CDH4: variants seen among roughly 807,000 people sequenced by gnomAD.
CDH4 encodes the protein cadherin 4, also known as cadherin-4.
A neutral mutation model predicts 86.0 loss-of-function variants in CDH4; 33 were observed. That is an observed-to-expected ratio of 0.38 (90% confidence interval 0.29 to 0.51). The LOEUF (loss-of-function observed/expected upper bound fraction) is 0.51. Among genes scored for constraint, CDH4 ranks in the 20% least tolerant of loss-of-function variants. CDH4 has a pLI of 0.86. For synonymous variants in CDH4, 555 were observed against 549.4 expected, an observed-to-expected ratio of 1.01 and a Z score of -0.14; for missense variants, 1,114 against 1,307.4, an observed-to-expected ratio of 0.85 and a Z score of 2.28.
At chr20:61,858,550 T>C (rs1464596304) in intron 6 of CDH4, among the ~76,000 whole-genome samples, 1 of 151,728 alleles carries the variant, frequency 6.6e-6, no homozygotes, top group African/African-American at 2.4e-5. Flanking sequence ...TGTGTGTGTC[T>C]GTGTCTGCAT....
intron 2 of CDH4, among the ~76,000 whole-genome samples, chr20:61,325,593 G>A (rs903082200): frequency 3.3e-5 from 5 of 152,092 alleles, no homozygotes; most frequent in African/African-American, 1.2e-4. Flanking sequence ...GCAGGGGACA[G>A]CATTTGAGTT....
chr20:61,286,269 T>C (rs771969831), intron 2 of CDH4, among the ~76,000 whole-genome samples: 24 of 152,330 alleles, frequency 1.6e-4, no homozygotes, highest in South Asian at 1.0e-3. Context: ...GAGCCTTCTG[T>C]TCAAAGCCAG....
In CDH4 at chr20:61,668,096, A is replaced by G. The variant is rs191481692; in HGVS notation, c.170-75467A>G. 1.8e-4 allele frequency among the ~76,000 whole-genome samples: 27 copies of G among 152,340 alleles called. 1 individual carries two copies. The South Asian group carries it at 2.7e-3, about 15-fold the overall frequency. On this transcript the variant is annotated intron_variant, in intron 2 of 15. Coordinates refer to ENST00000614565, the MANE Select transcript of CDH4 (RefSeq NM_001794.5). ...ATTCCTAATTTGTTAGGTCCCTGCT[A>G]TCTTTTAAATTCTCCAACCCTAAGA... is the stretch of plus-strand genomic sequence containing the variant.
chr20:61,763,910 C>T (rs1256295578), intron 3 of CDH4, among the ~76,000 whole-genome samples: 1 of 152,220 alleles, frequency 6.6e-6, no homozygotes, highest in Non-Finnish European at 1.5e-5. Context: ...CTTTCCTTAA[C>T]ACTGTTTTTT....
rs186569092 is a variant in CDH4 at position 61,510,650 on chromosome 20, G to T, written c.170-232913G>T. 1.3e-5 allele frequency among the ~76,000 whole-genome samples: 2 copies of T among 152,142 alleles called. No individual in the cohort carries two copies. On this transcript the variant is annotated intron_variant, in intron 2 of 15. Transcript: ENST00000614565. This position sits in a 1 kb window ranked among gnomAD's most constrained non-coding sequence, Gnocchi z 4.2. Reference sequence around the variant, plus strand: ...ATAGTGGGATTACTTGGGGGATTGCGTTGCTGGGGAATTACTTGCTTGGGG... The same window carrying T: ...ATAGTGGGATTACTTGGGGGATTGCTTTGCTGGGGAATTACTTGCTTGGGG...
chr20:61,622,676 C>T (rs935908668), intron 2 of CDH4, among the ~76,000 whole-genome samples: 2 of 152,222 alleles, frequency 1.3e-5, no homozygotes, highest in Non-Finnish European at 2.9e-5. Context: ...GGTTTCCTGA[C>T]CTCAGCACTT....
rs543096356 is a variant in CDH4 at position 61,927,743 on chromosome 20, G to C, written c.1772-447G>C. Among the ~76,000 whole-genome samples, 3 of 152,382 alleles carry C rather than the reference G, an allele frequency of 2.0e-5. No homozygotes were observed. The South Asian group carries it at 6.2e-4, about 32-fold the overall frequency. On this transcript the variant is annotated intron_variant, in intron 11 of 15. Coordinates refer to ENST00000614565, the MANE Select transcript of CDH4 (RefSeq NM_001794.5). Reference sequence around the variant, plus strand: ...ACCCCTCCCTGGCTCCCCAGTGGGAGTGAGTCCCCGGTGCGTGGCTGTGAC... The same window carrying C: ...ACCCCTCCCTGGCTCCCCAGTGGGACTGAGTCCCCGGTGCGTGGCTGTGAC...
chr20:61,803,174 T>C (rs1163306996), intron 4 of CDH4, among the ~76,000 whole-genome samples: 1 of 150,560 alleles, frequency 6.6e-6, no homozygotes, highest in Non-Finnish European at 1.5e-5. Flanking sequence ...TGGGGTCCCG[T>C]CGTGGCGGCT....
At chr20:61,532,541 A>G (rs1245342865) in intron 2 of CDH4, among the ~76,000 whole-genome samples, 4 of 152,188 alleles carry the variant, frequency 2.6e-5, no homozygotes, top group Non-Finnish European at 5.9e-5. Flanking sequence ...CACAACAGAA[A>G]ACGATGAGTA....
intron 9 of CDH4, 84 bp downstream of exon 9, chr20:61,910,691 C>A: frequency 7.7e-7 from 1 of 1,296,264 alleles, no homozygotes; most frequent in Non-Finnish European, 1.1e-6. Context: ...AGGAGTGATA[C>A]TCGGTGTAAA....
intron 2 of CDH4, among the ~76,000 whole-genome samples, chr20:61,373,676 G>T (rs1265670654): frequency 6.6e-6 from 1 of 152,178 alleles, no homozygotes; most frequent in African/African-American, 2.4e-5. Context: ...AGGTGACCTT[G>T]GGCTGATTGT....
At chr20:61,603,066 G>A (rs758690387) in intron 2 of CDH4, among the ~76,000 whole-genome samples, 1 of 152,202 alleles carries the variant, frequency 6.6e-6, no homozygotes, top group African/African-American at 2.4e-5. Flanking sequence ...CGTTGGGAGC[G>A]CCATGGCCCC....
At chr20:61,570,714 T>A (rs1405509467) in intron 2 of CDH4, 1 of 702,376 alleles carries the variant, frequency 1.4e-6, no homozygotes, top group African/African-American at 1.7e-5. Context: ...TCAACAGGGA[T>A]GCTTCACGGA....
intron 4 of CDH4, among the ~76,000 whole-genome samples, chr20:61,843,983 C>A (rs1013191976): frequency 2.0e-5 from 3 of 152,228 alleles, no homozygotes; most frequent in Admixed American, 6.5e-5. Context: ...CTCCTCATTA[C>A]AGGAGGTTTC....
intron 9 of CDH4, among the ~76,000 whole-genome samples, chr20:61,921,162 G>A (rs2054978148): frequency 6.6e-6 from 1 of 150,852 alleles, no homozygotes; most frequent in South Asian, 2.1e-4. Flanking sequence ...TTGCATGGAA[G>A]CGTGGTGTCA....
chr20:61,902,636 CA>C lies in CDH4; in HGVS notation c.1188+7593del, dbSNP rs1743769818. ...ATTGTAGGACAAAAACAACCACAGA[CA>C]AAACAGAAGCGAGTGGGTGTGGCCA... On this transcript the variant is annotated intron_variant, in intron 8 of 15. Transcript: ENST00000614565. This position sits in a 1 kb window ranked among gnomAD's most constrained non-coding sequence, Gnocchi z 4.6. Among the ~76,000 whole-genome samples the C allele has an allele frequency of 6.6e-6, 1 of 152,186 alleles. No homozygotes were observed. Among genetic ancestry groups the C allele is most frequent in the Non-Finnish European group, 1.5e-5 (1 of 68,036 alleles).
rs929618001 is a variant in CDH4, at chr20:61,918,589, G to C, written c.1375-4862G>C. On this transcript the variant is annotated intron_variant, in intron 9 of 15. Transcript: ENST00000614565. Reference sequence around the variant, plus strand: ...AGGGAGCCACGAGGCATCTCACTCAGGACTCAGGGAGGCTAGCAGGGACCA... The same window carrying C: ...AGGGAGCCACGAGGCATCTCACTCACGACTCAGGGAGGCTAGCAGGGACCA... 2.0e-5 allele frequency among the ~76,000 whole-genome samples: 3 copies of C among 152,166 alleles called. No individual in the cohort carries two copies. The South Asian group carries it at 6.2e-4, about 31-fold the overall frequency.
At chr20:61,273,309 G>T (rs886275486) in intron 2 of CDH4, among the ~76,000 whole-genome samples, 1 of 140,968 alleles carries the variant, frequency 7.1e-6, no homozygotes, top group Non-Finnish European at 1.5e-5. Context: ...TGTGCAGTTT[G>T]GGGGAATACC....
At chr20:61,585,956 A>G (rs1194287424) in intron 2 of CDH4, among the ~76,000 whole-genome samples, 2 of 140,466 alleles carry the variant, frequency 1.4e-5, no homozygotes, top group Admixed American at 1.4e-4. Context: ...GATGAGGAGG[A>G]TGATGGTGAT....
Sources: allele counts gnomAD v4.1 joint callset (sites outside exome capture counted in the v4.1 genomes callset), GRCh38; gene constraint gnomAD v4.1.1; non-coding constraint Gnocchi (gnomAD v3.1); transcripts MANE v1.5; gene names NCBI Gene and HGNC (gene_info 2026-07-23, HGNC 2026-07-21).